The following CEP44 variants were observed in gnomAD, a reference collection of about 807,000 sequenced individuals.
CEP44 encodes the protein centrosomal protein of 44 kDa.
In CEP44, 45 loss-of-function variants were observed where a neutral mutation model predicts 46.7. The observed-to-expected ratio is 0.96, with a 90% CI of 0.76 to 1.24. The LOEUF is 1.24. Ranked by LOEUF, CEP44 falls within the 50% of genes most tolerant of loss-of-function variation. The probability of loss-of-function intolerance (pLI) is 0.00; values close to 1 mark genes in which losing one functional copy is unlikely to be tolerated. For synonymous variants in CEP44, 142 were observed against 146.0 expected (o/e 0.97, Z 0.20); for missense variants, 475 against 459.7 (o/e 1.03, Z -0.30).
intron 1 of CEP44, 167 bp downstream of exon 1, chr4:174,284,110 T>G (rs2126462561): frequency 2.5e-6 from 1 of 399,112 alleles, no homozygotes; most frequent in East Asian, 3.6e-5. Context: ...GCTGGGCCTT[T>G]GAAACCGGCT....
Position 174,331,161 on chromosome 4 carries a change from CAT to C in CEP44, c.1087-319_1087-318del. Reference sequence around the variant, plus strand: ...TTTAATTAGTACGTAAATTAGATCTCATAATTATGTTACCAATTTTTTAATTA... The same window carrying C: ...TTTAATTAGTACGTAAATTAGATCTCAATTATGTTACCAATTTTTTAATTA... On this transcript the variant is annotated intron_variant, in intron 8 of 8. Coordinates refer to the CEP44 transcript ENST00000426172. This position sits in a 1 kb window ranked among gnomAD's most constrained non-coding sequence, Gnocchi z 4.5. 1.3e-5 allele frequency among the ~76,000 whole-genome samples: 2 copies of C among 150,882 alleles called. No individual in the cohort carries two copies. Among genetic ancestry groups the C allele is most frequent in the East Asian group, 3.9e-4 (2 of 5,098 alleles).
At chr4:174,328,928 GT>G (rs1161740109) in intron 8 of CEP44, among the ~76,000 whole-genome samples, 1 of 151,674 alleles carries the variant, frequency 6.6e-6, no homozygotes, top group Non-Finnish European at 1.5e-5. Context: ...GTGTACAAGA[GT>G]AATGGCAATA....
At chr4:174,298,522 A>G (rs1055704064) in intron 2 of CEP44, among the ~76,000 whole-genome samples, 1 of 152,162 alleles carries the variant, frequency 6.6e-6, no homozygotes, top group Non-Finnish European at 1.5e-5. Flanking sequence ...TAGAAAATGG[A>G]AAGGAAGGTA....
intron 8 of CEP44, among the ~76,000 whole-genome samples, chr4:174,330,765 T>C (rs1291536610): frequency 8.0e-6 from 1 of 124,418 alleles, no homozygotes; most frequent in Admixed American, 8.3e-5. Flanking sequence ...ATGCCAAGTA[T>C]GCACATGAAA....
intron 1 of CEP44, among the ~76,000 whole-genome samples, chr4:174,292,499 A>T (rs759997029): frequency 2.6e-5 from 4 of 152,104 alleles, no homozygotes; most frequent in African/African-American, 4.8e-5. Context: ...TAATGTGTTT[A>T]TTAAGTTACT....
At chr4:174,308,642 T>C in intron 6 of CEP44, 47 bp from the exon 7 acceptor site, 1 of 1,542,654 alleles carries the variant, frequency 6.5e-7, no homozygotes, top group Non-Finnish European at 8.8e-7. Context: ...TAAATAATTG[T>C]GGGAGGAAAA....
intron 1 of CEP44, among the ~76,000 whole-genome samples, chr4:174,285,229 A>T (rs185766520): frequency 2.6e-4 from 40 of 152,226 alleles, no homozygotes; most frequent in African/African-American, 9.6e-4. Context: ...AGTATTTTTC[A>T]TTAATGAAAG....
Position 174,314,104 on chromosome 4 carries a change from G to C in CEP44, c.962-2062G>C, listed in dbSNP as rs1337924188. Among the ~76,000 whole-genome samples the C allele has an allele frequency of 6.6e-6, 1 of 152,168 alleles. No individual in the cohort carries two copies. Among genetic ancestry groups the C allele is most frequent in the African/African-American group, 2.4e-5 (1 of 41,444 alleles). On this transcript the variant is annotated intron_variant, in intron 9 of 11. Transcript: ENST00000503780. The surrounding 1 kb of genome is among the most constrained non-coding windows in gnomAD (Gnocchi z 4.1). ...TGAAAGATTAGTTGTTACGTGGTAA[G>C]AGTTGGGTAGAAGATTTCATGTCCC...
rs528467941 is a variant in CEP44, at chr4:174,318,400, G to T, written c.*1017G>T. ...CCACCGTTAAAAGATACACAGTGAGGTGTTGTGTTTTGTTTTTTTAATGAT... is the reference window on the plus strand; with the variant it reads ...CCACCGTTAAAAGATACACAGTGAGTTGTTGTGTTTTGTTTTTTTAATGAT... On this transcript the variant is annotated 3_prime_UTR_variant, in exon 12 of 12. Transcript: ENST00000503780. The T allele has an allele frequency of 5.7e-4, 557 of 985,206 alleles. 1 individual carries two copies. Among genetic ancestry groups the T allele is most frequent in the Non-Finnish European group, 6.5e-4 (538 of 829,812 alleles). The allele number at this position is 985,206 out of a possible 1,614,324, so 61.0% of individuals were successfully genotyped here.
downstream of CEP44, among the ~76,000 whole-genome samples, chr4:174,322,665 G>T (rs1742398850): frequency 6.6e-6 from 1 of 151,966 alleles, no homozygotes; most frequent in South Asian, 2.1e-4. Flanking sequence ...TTGGTACATA[G>T]GACATTCTCA....
chr4:174,284,296 C>T (rs1048412318), intron 1 of CEP44: 2 of 380,604 alleles, frequency 5.3e-6, no homozygotes, highest in Non-Finnish European at 9.3e-6. Context: ...GCTTATATAC[C>T]CAACTAGTAT....
At chr4:174,302,706 T>C (rs1233933692) in intron 4 of CEP44, among the ~76,000 whole-genome samples, 1 of 152,130 alleles carries the variant, frequency 6.6e-6, no homozygotes, top group Non-Finnish European at 1.5e-5. Context: ...GCTTTTATCA[T>C]TAATTTTTGC....
intron 1 of CEP44, among the ~76,000 whole-genome samples, chr4:174,294,857 A>AT (rs1178076959): frequency 8.5e-6 from 1 of 117,578 alleles, no homozygotes; most frequent in Non-Finnish European, 1.8e-5. Context: ...CGGGGGGCTG[A>AT]TCCCCCCACC....
rs569135669 is a variant in CEP44, at chr4:174,297,135, G to C, written c.-147-831G>C. ...ATTTCTTATAGACAACATGTAGTTA[G>C]ATCTTATTTTTGATCCACTTTAACA... On this transcript the variant is annotated intron_variant, in intron 1 of 11. Transcript: ENST00000503780. This position sits in a 1 kb window ranked among gnomAD's most constrained non-coding sequence, Gnocchi z 4.3. Among the ~76,000 whole-genome samples the C allele has an allele frequency of 2.6e-5, 4 of 152,078 alleles. No individual in the cohort carries two copies. Among genetic ancestry groups the C allele is most frequent in the African/African-American group, 9.6e-5 (4 of 41,496 alleles).
At chr4:174,317,292 A>T in intron 11 of CEP44, 43 bp from the exon 12 acceptor site, 1 of 798,200 alleles carries the variant, frequency 1.3e-6, no homozygotes, top group Non-Finnish European at 1.8e-6. Flanking sequence ...ATGCTTTATT[A>T]TGAATTATTG....
In CEP44 at chr4:174,326,272, G is replaced by A. The variant is rs562229016; in HGVS notation, c.1087-5210G>A. 6.6e-6 allele frequency among the ~76,000 whole-genome samples: 1 copy of A among 151,020 alleles called. No homozygotes were observed. The highest frequency in any genetic ancestry group is 1.9e-4 in the East Asian group (1 of 5,142). ...TGTCTGTGTGTTTGCTCCAAGATTT[G>A]TAGTATATATATTTAACTTACTATA... is the stretch of plus-strand genomic sequence containing the variant. On this transcript the variant is annotated intron_variant, in intron 8 of 8. Coordinates refer to the CEP44 transcript ENST00000426172. This position sits in a 1 kb window ranked among gnomAD's most constrained non-coding sequence, Gnocchi z 4.8.
At chr4:174,305,270 A>C (rs1020707617) in intron 6 of CEP44, among the ~76,000 whole-genome samples, 5 of 152,188 alleles carry the variant, frequency 3.3e-5, no homozygotes, top group Non-Finnish European at 7.3e-5. Flanking sequence ...CCTGACCAGC[A>C]TGGCGAAACC....
Position 174,318,434 on chromosome 4 carries a change from A to G in CEP44, c.*1051A>G. Reference sequence around the variant, plus strand: ...TTTGTTTTTTTAATGATGAAAAGTTACACATTTTTTGGAGAGAAAAGTCTT... The same window carrying G: ...TTTGTTTTTTTAATGATGAAAAGTTGCACATTTTTTGGAGAGAAAAGTCTT... On this transcript the variant is annotated 3_prime_UTR_variant, in exon 12 of 12. Transcript: ENST00000503780. The G allele has an allele frequency of 5.1e-6, 5 of 984,242 alleles. No homozygotes were observed. Among genetic ancestry groups the G allele is most frequent in the Non-Finnish European group, 6.0e-6 (5 of 828,872 alleles). The allele number at this position is 984,242 out of a possible 1,614,324, so 61.0% of individuals were successfully genotyped here.
intron 9 of CEP44, among the ~76,000 whole-genome samples, chr4:174,313,581 A>G (rs1192175040): frequency 1.3e-5 from 2 of 152,196 alleles, no homozygotes; most frequent in African/African-American, 4.8e-5. Context: ...GGTTATCATC[A>G]AAGCAGAATA....
Sources: gnomAD v4.1 joint callset for allele counts (sites outside exome capture counted in the v4.1 genomes callset) on GRCh38, gnomAD v4.1.1 for gene constraint, Gnocchi (gnomAD v3.1) non-coding constraint, MANE v1.5 for transcripts, NCBI Gene and HGNC (gene_info 2026-07-23, HGNC 2026-07-21) for gene names.